The following MTA1 variants were observed in gnomAD, a reference collection of about 807,000 sequenced individuals.
The protein encoded by MTA1 is metastasis-associated protein MTA1.
A neutral mutation model predicts 97.0 loss-of-function variants in MTA1; 15 were observed. The ratio of observed to expected loss-of-function variants is 0.15; its 90% CI spans 0.10 to 0.24. The LOEUF (loss-of-function observed/expected upper bound fraction) is 0.24, where lower values mean the gene tolerates loss of function less well. Among genes scored for constraint, MTA1 ranks in the 10% least tolerant of loss-of-function variants. MTA1 has a pLI of 1.00. For missense variants in MTA1, 709 were observed against 1,015.1 expected (o/e 0.70, Z 4.10); for synonymous variants, 435 against 417.5 (o/e 1.04, Z -0.51).
In MTA1 at chr14:105,464,808, G is replaced by A; in HGVS notation, c.1479G>A (p.Trp493Ter). Residue 493 changes from tryptophan to a stop codon, truncating the protein, a stop_gained, in exon 15 of 21, where the codon TGG becomes TGA. Transcript: ENST00000331320. LOFTEE classifies it high-confidence loss of function. ...TGTGCCGTGAGATCCTGCGCCCGTGGCACGCTGCGCGGCACCCCTACCTGC... is the reference window on the plus strand; with the variant it reads ...TGTGCCGTGAGATCCTGCGCCCGTGACACGCTGCGCGGCACCCCTACCTGC... ...RRLCREILRPWHAARHPYLPI... is the reference protein window; with the variant it reads ...RRLCREILRP The A allele has an allele frequency of 6.2e-7, 1 of 1,603,304 alleles. No individual in the cohort carries two copies. The highest frequency in any genetic ancestry group is 8.5e-7 in the Non-Finnish European group (1 of 1,172,832).
intron 1 of MTA1, among the ~76,000 whole-genome samples, chr14:105,429,075 G>A (rs10151352): frequency 0.061 from 9,312 of 152,090 alleles, 933 homozygotes; most frequent in African/African-American, 0.21. Context: ...GAACTTCATG[G>A]GCCAACTTCT....
intron 18 of MTA1, chr14:105,467,093 T>G: frequency 6.9e-6 from 3 of 436,106 alleles, no homozygotes; most frequent in Non-Finnish European, 1.3e-5. Flanking sequence ...CCTGCAATCC[T>G]TCCGTGCGCC....
rs118068697 is a variant in MTA1, at chr14:105,431,356, G to T, written c.29-7316G>T. 2.2e-3 allele frequency among the ~76,000 whole-genome samples: 336 copies of T among 152,206 alleles called. 1 individual carries two copies. Among genetic ancestry groups the T allele is most frequent in the Non-Finnish European group, 3.9e-3 (262 of 68,000 alleles). On this transcript the variant is annotated intron_variant, in intron 1 of 20. Transcript: ENST00000331320. Reference sequence around the variant, plus strand: ...GGGATTTACAGGCATGAGCCACTGTGCCCAGCCTACAAGCTGGTTATTAAC... The same window carrying T: ...GGGATTTACAGGCATGAGCCACTGTTCCCAGCCTACAAGCTGGTTATTAAC...
At chr14:105,429,600 C>T (rs1334957601) in intron 1 of MTA1, among the ~76,000 whole-genome samples, 5 of 151,850 alleles carry the variant, frequency 3.3e-5, no homozygotes, top group Non-Finnish European at 5.9e-5. Context: ...TACAGGTGCC[C>T]GCCACTATGC....
At chr14:105,462,378 G>A (rs1159477175) in intron 10 of MTA1, among the ~76,000 whole-genome samples, 2 of 152,172 alleles carry the variant, frequency 1.3e-5, no homozygotes, top group African/African-American at 4.8e-5. Context: ...AGACCATCCT[G>A]GCCAACATGG....
chr14:105,469,544 G>A (rs781854334), intron 19 of MTA1, 46 bp downstream of exon 19: 5 of 1,601,850 alleles, frequency 3.1e-6, no homozygotes, highest in South Asian at 1.1e-5. Context: ...TCACCCATGA[G>A]CTCTCTGGGG....
Position 105,469,897 on chromosome 14 carries a change from G to A in MTA1, c.1902G>A (p.Leu634=), listed in dbSNP as rs201800402. 2 of 1,611,566 alleles carry A rather than the reference G, an allele frequency of 1.2e-6. No individual in the cohort carries two copies. The highest frequency in any genetic ancestry group is 2.7e-5 in the African/African-American group (2 of 75,022). The change falls in exon 20 of 21, where the codon CTG becomes CTA. Residue 634 remains leucine, a synonymous_variant. Transcript: ENST00000331320. ...AGTCCTACCCCACCAAAGTGCGCCT[G>A]ATCCGGGGGGGCTCCCTGCCCCCAG... The part of the protein sequence containing the change: ...NGKSYPTKVR[L]IRGGSLPPVK...
chr14:105,444,343 C>G lies in MTA1; in HGVS notation c.97-1075C>G, dbSNP rs143738753. ...TGAGCCGAGATTGCACCACTGCACT[C>G]CAGCCTGGGCGACAGAGCAAGACTC... On this transcript the variant is annotated intron_variant, in intron 2 of 20. Coordinates refer to ENST00000331320, the MANE Select transcript of MTA1 (RefSeq NM_004689.4). 1.9e-3 allele frequency among the ~76,000 whole-genome samples: 288 copies of G among 152,094 alleles called. 1 individual carries two copies. Among genetic ancestry groups the G allele is most frequent in the African/African-American group, 6.2e-3 (258 of 41,474 alleles).
Position 105,419,909 on chromosome 14 carries a change from GGCA to G in MTA1, c.-121_-119del. On this transcript the variant is annotated 5_prime_UTR_variant, in exon 1 of 21. Coordinates refer to ENST00000331320, the MANE Select transcript of MTA1 (RefSeq NM_004689.4). ...CGGCGGCGGCGGCGGCGGCGGCGGC[GGCA>G]GCAGCGCGGCCCCTTTAAACGCCTG... 1 of 248,446 alleles carries G rather than the reference GGCA, an allele frequency of 4.0e-6. No homozygotes were observed. Among genetic ancestry groups the G allele is most frequent in the Non-Finnish European group, 6.3e-6 (1 of 158,832 alleles). 15.4% of individuals were successfully genotyped at this position (248,446 alleles called of 1,614,324 possible).
At chr14:105,451,775 CTTTTTTTGTTTTTTTTTTTT>C (rs2082944013) in intron 6 of MTA1, among the ~76,000 whole-genome samples, 1 of 118,268 alleles carries the variant, frequency 8.5e-6, no homozygotes, top group Non-Finnish European at 1.7e-5. Flanking sequence ...TTTTCTTTTT[CTTTTTTTGTTTTTTTTTTTT>C]TTTTTTTTTT....
In MTA1 at chr14:105,463,655, G is replaced by A; in HGVS notation, c.1076+104G>A. 8.1e-7 allele frequency: 1 copy of A among 1,241,778 alleles called. No individual in the cohort carries two copies. Among genetic ancestry groups the A allele is most frequent in the Non-Finnish European group, 1.2e-6 (1 of 863,278 alleles). 76.9% of individuals were successfully genotyped at this position (1,241,778 alleles called of 1,614,324 possible). The stretch of plus-strand genomic sequence containing the variant: ...GGTCCCAAGGAAACTCAAGCTCAGA[G>A]GCTGGGAAAGTTGGGGCAGCCCCCG... On this transcript the variant is annotated intron_variant, in intron 12 of 20. Coordinates refer to ENST00000331320, the MANE Select transcript of MTA1 (RefSeq NM_004689.4). This position sits in a 1 kb window ranked among gnomAD's most constrained non-coding sequence, Gnocchi z 5.9.
At chr14:105,458,685 G>A (rs1198436575) in intron 8 of MTA1, among the ~76,000 whole-genome samples, 4 of 152,164 alleles carry the variant, frequency 2.6e-5, no homozygotes, top group African/African-American at 9.7e-5. Context: ...GGAGCAAGTG[G>A]GCTGGGCCTG....
intron 6 of MTA1, among the ~76,000 whole-genome samples, chr14:105,450,593 AG>A (rs1444918716): frequency 6.6e-6 from 1 of 151,828 alleles, no homozygotes; most frequent in Non-Finnish European, 1.5e-5. Context: ...CAGCGAGGGG[AG>A]GTCCCCCTGG....
intron 10 of MTA1, 96 bp downstream of exon 10, chr14:105,461,049 G>A (rs2083329419): frequency 1.5e-6 from 2 of 1,328,536 alleles, no homozygotes; most frequent in African/African-American, 1.5e-5. Context: ...CTGCCCTGAG[G>A]GAGCCTGTCC....
At chr14:105,435,712 G>A (rs1555424246) in intron 1 of MTA1, among the ~76,000 whole-genome samples, 1 of 152,190 alleles carries the variant, frequency 6.6e-6, no homozygotes, top group Non-Finnish European at 1.5e-5. Flanking sequence ...TCTTGTTGTT[G>A]TATTTCCGTA....
At position 105,446,353 on chromosome 14, in the gene MTA1, G is replaced by A. The variant is rs75724454; in HGVS notation, c.190+842G>A. Among the ~76,000 whole-genome samples, 425 of 152,336 alleles carry A rather than the reference G, an allele frequency of 2.8e-3. 2 individuals carry two copies. The highest frequency in any genetic ancestry group is 9.8e-3 in the African/African-American group (408 of 41,572). On this transcript the variant is annotated intron_variant, in intron 3 of 20. Transcript: ENST00000331320. ...GCCCAGGCTGAGGCTGTGGTCTGTA[G>A]GGTGACATTTCCCAGTAGGTGAGGC...
Position 105,463,496 on chromosome 14 carries a change from C to T in MTA1, c.1021C>T (p.Arg341Cys). ...KTTDRYVQQK[R>C]LKAAEAESKL... is the part of the protein sequence containing the mutation. ...TGACCTTCTCTTTTGTTTTAAGAAA[C>T]GCTTGAAAGCAGCTGAAGCTGAGAG... is the stretch of plus-strand genomic sequence containing the variant. Residue 341 changes from arginine (R) to cysteine (C), a missense_variant, in exon 12 of 21, where the codon CGC (arginine) becomes TGC (cysteine). Physicochemically the swap from Arg to Cys is radical, Grantham distance 180. Coordinates refer to ENST00000331320, the MANE Select transcript of MTA1 (RefSeq NM_004689.4). The surrounding 1 kb of genome is among the most constrained non-coding windows in gnomAD (Gnocchi z 5.9). The T allele has an allele frequency of 1.9e-6, 3 of 1,613,168 alleles. No individual in the cohort carries two copies. Among genetic ancestry groups the T allele is most frequent in the South Asian group, 1.1e-5 (1 of 91,086 alleles).
At chr14:105,444,232 G>A (rs2082638851) in intron 2 of MTA1, among the ~76,000 whole-genome samples, 1 of 150,536 alleles carries the variant, frequency 6.6e-6, no homozygotes, top group Non-Finnish European at 1.5e-5. Flanking sequence ...AAAATTAGCC[G>A]GGCGTGGTGG....
At chr14:105,468,279 G>A (rs1315236678) in intron 18 of MTA1, 3 of 1,299,654 alleles carry the variant, frequency 2.3e-6, no homozygotes, top group Non-Finnish European at 3.0e-6. Context: ...AGATGGCTGC[G>A]TGTGGCTCAC....
Sources: gnomAD v4.1 joint callset for allele counts (sites outside exome capture counted in the v4.1 genomes callset) on GRCh38, gnomAD v4.1.1 for gene constraint, Gnocchi (gnomAD v3.1) non-coding constraint, MANE v1.5 for transcripts, NCBI Gene and HGNC (gene_info 2026-07-23, HGNC 2026-07-21) for gene names.